The following RBFOX3 variants were observed in gnomAD, a reference collection of about 807,000 sequenced individuals.
The protein encoded by RBFOX3 is RNA binding protein fox-1 homolog 3.
A neutral mutation model predicts 48.7 loss-of-function variants in RBFOX3; 17 were observed. That is an observed-to-expected ratio of 0.35 (90% CI 0.24 to 0.52). The LOEUF is 0.52. Ranked by LOEUF, RBFOX3 falls within the 20% of genes least tolerant of loss-of-function variation. RBFOX3 has a pLI of 0.94. For synonymous variants in RBFOX3, 212 were observed against 209.5 expected (o/e 1.01, Z -0.10); for missense variants, 382 against 497.5 (o/e 0.77, Z 2.21).
At chr17:79,370,294 C>T (rs1432849810) in intron 2 of RBFOX3, among the ~76,000 whole-genome samples, 1 of 152,244 alleles carries the variant, frequency 6.6e-6, no homozygotes, top group Admixed American at 6.5e-5. Context: ...CCCTCCCATT[C>T]CCAGCAGGGC....
At chr17:79,424,616 C>T (rs565449986) in intron 2 of RBFOX3, among the ~76,000 whole-genome samples, 268 of 152,244 alleles carry the variant, frequency 1.8e-3, no homozygotes, top group Admixed American at 4.1e-3. Context: ...CCTCCCCCAC[C>T]AGGCTTCCAA....
At chr17:79,556,294 C>G (rs1398276330) in intron 1 of RBFOX3, among the ~76,000 whole-genome samples, 6 of 152,162 alleles carry the variant, frequency 3.9e-5, no homozygotes, top group Admixed American at 2.6e-4. Context: ...GTCCTGGGAA[C>G]CCAAAGAAAT....
chr17:79,269,574 C>T (rs2067304849), intron 3 of RBFOX3, among the ~76,000 whole-genome samples: 1 of 152,040 alleles, frequency 6.6e-6, no homozygotes, highest in African/African-American at 2.4e-5. Flanking sequence ...ATCCTCCTCC[C>T]CGTCTCCCTG....
At chr17:79,372,759 T>C (rs1323193517) in intron 2 of RBFOX3, among the ~76,000 whole-genome samples, 1 of 152,214 alleles carries the variant, frequency 6.6e-6, no homozygotes, top group Admixed American at 6.5e-5. Context: ...CAGGGACTGT[T>C]GCCCACCTTT....
At chr17:79,549,253 G>A (rs1555792855) in intron 1 of RBFOX3, among the ~76,000 whole-genome samples, 5 of 152,356 alleles carry the variant, frequency 3.3e-5, no homozygotes, top group African/African-American at 1.2e-4. Context: ...AGTCCTAAGG[G>A]AGGTTGGCGG....
intron 2 of RBFOX3, among the ~76,000 whole-genome samples, chr17:79,330,673 C>G (rs574693163): frequency 6.6e-6 from 1 of 152,234 alleles, no homozygotes; most frequent in Admixed American, 6.5e-5. Context: ...CAAAATCCAG[C>G]CCCACGGCCA....
chr17:79,357,886 T>C lies in RBFOX3; in HGVS notation c.-174-50062A>G, dbSNP rs139970706. On this transcript the variant is annotated intron_variant, in intron 2 of 14. Coordinates refer to ENST00000693108, the MANE Select transcript of RBFOX3 (RefSeq NM_001350451.2). ...TTTTTAAAAAATCAGTAAATTGAAG[T>C]TTTTTTTTTACTTTAGTATTTAAGT... Among the ~76,000 whole-genome samples the C allele has an allele frequency of 1.1e-3, 154 of 143,170 alleles. 1 individual carries two copies. Among genetic ancestry groups the C allele is most frequent in the Non-Finnish European group, 1.7e-3 (112 of 64,474 alleles). 93.9% of individuals were successfully genotyped at this position (143,170 alleles called of 152,430 possible). A position where few individuals can be genotyped will look rare whatever the true frequency, so the allele number is the denominator to read the frequency against.
At chr17:79,240,668 CT>C (rs2062225896) in intron 3 of RBFOX3, among the ~76,000 whole-genome samples, 1 of 152,074 alleles carries the variant, frequency 6.6e-6, no homozygotes, top group South Asian at 2.1e-4. Context: ...TAAAATTGTT[CT>C]TTTTATTTTT....
chr17:79,211,928 G>C (rs780517554), intron 4 of RBFOX3, among the ~76,000 whole-genome samples: 3 of 152,108 alleles, frequency 2.0e-5, no homozygotes, highest in Non-Finnish European at 4.4e-5. Context: ...ACGGGGATAC[G>C]TGGGGGGGAA....
intron 2 of RBFOX3, among the ~76,000 whole-genome samples, chr17:79,367,283 TC>T: frequency 1.0e-5 from 1 of 98,446 alleles, no homozygotes; most frequent in Non-Finnish European, 1.9e-5. Context: ...CTCCTCCTCC[TC>T]CCCCTCCTCC....
chr17:79,345,116 G>A (rs1422131998), intron 2 of RBFOX3, among the ~76,000 whole-genome samples: 1 of 152,220 alleles, frequency 6.6e-6, no homozygotes, highest in Non-Finnish European at 1.5e-5. Context: ...CTAAATGCTG[G>A]AGTTCTTCAG....
intron 1 of RBFOX3, among the ~76,000 whole-genome samples, chr17:79,518,542 T>C (rs956866377): frequency 0.045 from 6,794 of 152,334 alleles, 252 homozygotes; most frequent in African/African-American, 0.1. Context: ...GGGGAAACAC[T>C]GTAATCCCTG....
intron 2 of RBFOX3, among the ~76,000 whole-genome samples, chr17:79,441,982 C>T (rs1227844006): frequency 6.6e-6 from 1 of 151,800 alleles, no homozygotes; most frequent in Non-Finnish European, 1.5e-5. Context: ...TCCTCAGGTC[C>T]CCTGAGGAGC....
chr17:79,184,594 G>A (rs2053014495), intron 4 of RBFOX3, among the ~76,000 whole-genome samples: 1 of 152,266 alleles, frequency 6.6e-6, no homozygotes, highest in South Asian at 2.1e-4. Context: ...TTGGCTGCAA[G>A]AGGGATGGGC....
Position 79,126,255 on chromosome 17 carries a change from T to A in RBFOX3, c.-33-10507A>T, listed in dbSNP as rs143061033. On this transcript the variant is annotated intron_variant, in intron 4 of 14. Transcript: ENST00000693108. ...CTGTCAGCCCCACATATCCCTGTGA[T>A]GGGGACCAGAACAGGACAGACGGAT... Among the ~76,000 whole-genome samples, 113 of 152,308 alleles carry A rather than the reference T, an allele frequency of 7.4e-4. 4 individuals are homozygous for A. The East Asian group carries it at 0.02, about 27-fold the overall frequency.
intron 1 of RBFOX3, among the ~76,000 whole-genome samples, chr17:79,501,873 A>G (rs1555777234): frequency 6.6e-6 from 1 of 152,230 alleles, no homozygotes; most frequent in Non-Finnish European, 1.5e-5. Context: ...CGGGGGAGAT[A>G]TTTAAAGCCA....
chr17:79,242,912 C>T lies in RBFOX3; in HGVS notation c.-73-7107G>A, dbSNP rs1484119202. On this transcript the variant is annotated intron_variant, in intron 3 of 14. Transcript: ENST00000693108. The surrounding 1 kb of genome is among the most constrained non-coding windows in gnomAD (Gnocchi z 5.8). ...GGTCCTTCTAGGCACTCTAGGCCTT[C>T]AGCTGTGCTCCAGTGGGGCCTTACT... is the stretch of plus-strand genomic sequence containing the variant. Among the ~76,000 whole-genome samples the T allele has an allele frequency of 1.3e-5, 2 of 152,180 alleles. No individual in the cohort carries two copies. Among genetic ancestry groups the T allele is most frequent in the East Asian group, 3.8e-4 (2 of 5,196 alleles).
intron 2 of RBFOX3, among the ~76,000 whole-genome samples, chr17:79,454,337 G>T (rs1286757933): frequency 2.0e-5 from 3 of 152,060 alleles, no homozygotes; most frequent in African/African-American, 7.2e-5. Flanking sequence ...CATCTGTCCT[G>T]CCCCAGGGCC....
intron 1 of RBFOX3, chr17:79,599,780 G>T (rs2093660617): frequency 1.3e-5 from 2 of 152,364 alleles, no homozygotes; most frequent in East Asian, 3.9e-4. Flanking sequence ...TTAATGAAAG[G>T]CCTGGCACAT....
Sources: allele counts gnomAD v4.1 joint callset (sites outside exome capture counted in the v4.1 genomes callset), GRCh38; gene constraint gnomAD v4.1.1; non-coding constraint Gnocchi (gnomAD v3.1); transcripts MANE v1.5; gene names NCBI Gene and HGNC (gene_info 2026-07-23, HGNC 2026-07-21).